Variants in BCORL1 observed in about 807,000 individuals in gnomAD.
The protein encoded by BCORL1 is BCL6 corepressor like 1, also known as BCL-6 corepressor-like protein 1.
BCORL1 carries 7 observed loss-of-function variants against 87.6 expected under a neutral mutation model. That is an observed-to-expected ratio of 0.08 (90% CI 0.05 to 0.15). The LOEUF (loss-of-function observed/expected upper bound fraction) is 0.15, where lower values mean the gene tolerates loss of function less well. Among genes scored for constraint, BCORL1 ranks in the 10% least tolerant of loss-of-function variants. The pLI is 1.00. For missense variants in BCORL1, 1,215 were observed against 1,499.7 expected, an observed-to-expected ratio of 0.81 and a Z score of 3.13; for synonymous variants, 591 against 634.4, an observed-to-expected ratio of 0.93 and a Z score of 1.03.
chrX:129,999,695 A>C (rs750091429), intron 1 of BCORL1, among the ~76,000 whole-genome samples: 8 of 86,433 alleles, frequency 9.3e-5, no homozygotes, highest in East Asian at 4.3e-4. Context: ...CCCCCCCCCC[A>C]GACAGAGTCT....
At chrX:130,046,747 C>T (rs1011448270) in intron 11 of BCORL1, among the ~76,000 whole-genome samples, 27 of 110,780 alleles carry the variant, frequency 2.4e-4, no homozygotes, top group Non-Finnish European at 4.0e-4. Flanking sequence ...GAGGTTTCAC[C>T]GTGTTAGCCA....
At chrX:130,003,598 C>T (rs1337533493) in intron 1 of BCORL1, among the ~76,000 whole-genome samples, 7 of 110,910 alleles carry the variant, frequency 6.3e-5, no homozygotes, top group Non-Finnish European at 7.6e-5. Flanking sequence ...CTTGGACTCC[C>T]GAACTCAGGT....
intron 1 of BCORL1, among the ~76,000 whole-genome samples, chrX:130,002,169 G>A (rs972704664): frequency 3.6e-5 from 4 of 110,180 alleles, no homozygotes; most frequent in Non-Finnish European, 7.6e-5. Context: ...CTGGGCATAG[G>A]GGGTGGGGAG....
At chrX:130,017,404 A>G (rs1929516380) in intron 4 of BCORL1, among the ~76,000 whole-genome samples, 1 of 111,297 alleles carries the variant, frequency 9.0e-6, no homozygotes, top group Non-Finnish European at 1.9e-5. Flanking sequence ...GGTAATAAGA[A>G]TAATAATTCA....
chrX:130,039,130 TC>T lies in BCORL1; in HGVS notation c.4695-5del, dbSNP rs1931151103. 1 of 1,210,631 alleles carries T rather than the reference TC, an allele frequency of 8.3e-7. No individual in the cohort carries two copies. ...CCTGTTATCCTCACCCTGTATCACC[TC>T]CACAGGCCAGTTCATGATGCGGTGG... is the stretch of plus-strand genomic sequence containing the variant. On this transcript the variant is annotated splice_region_variant and splice_polypyrimidine_tract_variant and intron_variant, in intron 10 of 13. Transcript: ENST00000540052.
chrX:130,024,104 C>T (rs1445566734), intron 6 of BCORL1, among the ~76,000 whole-genome samples: 1 of 112,198 alleles, frequency 8.9e-6, no homozygotes, highest in Non-Finnish European at 1.9e-5. Context: ...AGTGTGAAAC[C>T]AGGCCAATTT....
At chrX:130,016,850 G>A (rs1033107572) in intron 4 of BCORL1, among the ~76,000 whole-genome samples, 1 of 111,858 alleles carries the variant, frequency 8.9e-6, no homozygotes, top group South Asian at 3.7e-4. Flanking sequence ...ATGGATGGTG[G>A]CAGAGTTCTA....
At chrX:130,037,297 G>C in intron 9 of BCORL1, 70 bp from the exon 10 acceptor site, 4 of 1,085,514 alleles carry the variant, frequency 3.7e-6, no homozygotes, top group Non-Finnish European at 5.1e-6. Flanking sequence ...GGGGAGCTTT[G>C]AGTCTCAGGG....
At chrX:129,981,062 CG>C (rs1926064902), upstream of BCORL1, 1 of 111,713 alleles carries the variant, frequency 9.0e-6, no homozygotes, top group Non-Finnish European at 1.9e-5. Context: ...AGTTTGTGCC[CG>C]GGCTTCCCGG....
intron 11 of BCORL1, among the ~76,000 whole-genome samples, chrX:130,040,727 G>T (rs1236365753): frequency 8.9e-6 from 1 of 112,373 alleles, no homozygotes; most frequent in African/African-American, 3.2e-5. Flanking sequence ...AGGGCTTGGG[G>T]CAAGCCACCG....
intron 1 of BCORL1, among the ~76,000 whole-genome samples, chrX:129,989,441 C>A (rs765801191): frequency 2.7e-5 from 2 of 74,209 alleles, no homozygotes; most frequent in Middle Eastern, 8.3e-3. Context: ...CCACCGCACC[C>A]GTCTTTTTTT....
intron 11 of BCORL1, among the ~76,000 whole-genome samples, chrX:130,040,759 C>T (rs1931258376): frequency 8.9e-6 from 1 of 112,358 alleles, no homozygotes; most frequent in Non-Finnish European, 1.9e-5. Flanking sequence ...CTCCCACGTA[C>T]TGTGTACACA....
At chrX:130,035,386 A>G (rs1038304280) in intron 9 of BCORL1, among the ~76,000 whole-genome samples, 15 of 112,320 alleles carry the variant, frequency 1.3e-4, no homozygotes, top group Admixed American at 4.7e-4. Flanking sequence ...CTCATTCACC[A>G]TAATTCAGTT....
intron 10 of BCORL1, 76 bp downstream of exon 10, chrX:130,037,609 G>A (rs1359936696): frequency 2.2e-5 from 24 of 1,077,260 alleles, no homozygotes; most frequent in African/African-American, 3.7e-5. Flanking sequence ...CTTGCCTGCC[G>A]CTGGCAGGCA....
intron 11 of BCORL1, among the ~76,000 whole-genome samples, chrX:130,046,354 C>T (rs62600583): frequency 0.12 from 13,710 of 110,482 alleles, 874 homozygotes; most frequent in Admixed American, 0.27. Flanking sequence ...GCAACCACCT[C>T]TATCTAGTTC....
At chrX:129,982,084 T>G (rs1926151210), upstream of BCORL1, among the ~76,000 whole-genome samples, 1 of 109,849 alleles carries the variant, frequency 9.1e-6, no homozygotes, top group Admixed American at 9.6e-5. Context: ...ACCAGTGGCC[T>G]GAGAAAGTCA....
intron 10 of BCORL1, among the ~76,000 whole-genome samples, chrX:130,038,263 A>G (rs1260337981): frequency 8.9e-6 from 1 of 111,851 alleles, no homozygotes; most frequent in Non-Finnish European, 1.9e-5. Flanking sequence ...ACTGTAAGAA[A>G]AATACACCTG....
At chrX:130,019,598 G>T (rs1423797567) in intron 4 of BCORL1, among the ~76,000 whole-genome samples, 1 of 111,649 alleles carries the variant, frequency 9.0e-6, no homozygotes, top group Non-Finnish European at 1.9e-5. Flanking sequence ...AGAGTTCATG[G>T]GATAGGAGGA....
intron 4 of BCORL1, 79 bp downstream of exon 4, chrX:130,016,292 A>AC: frequency 3.7e-6 from 4 of 1,080,741 alleles, no homozygotes; most frequent in Non-Finnish European, 4.9e-6. Flanking sequence ...ACCTCCTGTG[A>AC]CCCCTACCCT....
Sources: gnomAD v4.1 joint callset for allele counts (sites outside exome capture counted in the v4.1 genomes callset) on GRCh38, gnomAD v4.1.1 for gene constraint, MANE v1.5 for transcripts, NCBI Gene and HGNC (gene_info 2026-07-23, HGNC 2026-07-21) for gene names.